GKAP1: variants seen among roughly 807,000 people sequenced by gnomAD.
GKAP1 encodes the protein G kinase-anchoring protein 1.
A neutral mutation model predicts 56.7 loss-of-function variants in GKAP1; 31 were observed. That is an observed-to-expected ratio of 0.55 (90% CI 0.41 to 0.74). The LOEUF is 0.74. GKAP1 is among the 30% of genes least tolerant of loss of function. GKAP1 has a pLI of 0.00. For synonymous variants in GKAP1, 151 were observed against 138.6 expected (o/e 1.09, Z -0.63); for missense variants, 364 against 402.3 (o/e 0.90, Z 0.82).
chr9:83,751,257 T>TCC (rs2131238402), intron 9 of GKAP1, among the ~76,000 whole-genome samples: 1 of 152,300 alleles, frequency 6.6e-6, no homozygotes, highest in African/African-American at 2.4e-5. Context: ...TCCATCATAT[T>TCC]CCCATGCCTT....
chr9:83,804,315 G>C (rs112690650), intron 3 of GKAP1, among the ~76,000 whole-genome samples: 1 of 124,348 alleles, frequency 8.0e-6, no homozygotes. Context: ...TCAGCACCCC[G>C]CCCGGCCAGC....
rs924162706 is a variant in GKAP1 at position 83,792,786 on chromosome 9, C to T, written c.361-4108G>A. ...CTGGGCCTATAAGACAGGCTCCAGG[C>T]AATAAAATGCAAATAAAAGCATACT... On this transcript the variant is annotated intron_variant, in intron 4 of 12. Coordinates refer to ENST00000376371, the MANE Select transcript of GKAP1 (RefSeq NM_025211.4). Among the ~76,000 whole-genome samples the T allele has an allele frequency of 4.0e-5, 6 of 151,856 alleles. No individual in the cohort carries two copies. In the East Asian group the frequency reaches 9.6e-4, roughly 24 times the overall value.
At chr9:83,757,937 G>C (rs985226793) in intron 8 of GKAP1, among the ~76,000 whole-genome samples, 1 of 152,128 alleles carries the variant, frequency 6.6e-6, no homozygotes, top group African/African-American at 2.4e-5. Context: ...TTGGTATGGA[G>C]AGGAAGATGA....
intron 12 of GKAP1, among the ~76,000 whole-genome samples, chr9:83,740,571 T>C (rs1943190366): frequency 1.3e-5 from 2 of 152,206 alleles, no homozygotes; most frequent in Non-Finnish European, 2.9e-5. Context: ...TTTATAAAAC[T>C]ATGGCAATGG....
At chr9:83,758,083 G>A (rs925053372) in intron 8 of GKAP1, among the ~76,000 whole-genome samples, 5 of 152,176 alleles carry the variant, frequency 3.3e-5, no homozygotes, top group Non-Finnish European at 7.3e-5. Context: ...GACCTACCTA[G>A]CGTTGGTGCA....
chr9:83,744,360 AC>A (rs1943256178), intron 10 of GKAP1, among the ~76,000 whole-genome samples: 1 of 152,130 alleles, frequency 6.6e-6, no homozygotes, highest in African/African-American at 2.4e-5. Context: ...ACCCACATGT[AC>A]TCCTTGAATA....
chr9:83,800,974 T>G (rs1326359600), intron 3 of GKAP1, among the ~76,000 whole-genome samples: 1 of 152,240 alleles, frequency 6.6e-6, no homozygotes, highest in African/African-American at 2.4e-5. Context: ...TAATTTGTCT[T>G]AAGTTTTTAA....
intron 8 of GKAP1, among the ~76,000 whole-genome samples, chr9:83,768,458 AT>A (rs1943700814): frequency 6.6e-6 from 1 of 152,080 alleles, no homozygotes; most frequent in Non-Finnish European, 1.5e-5. Context: ...TAAAGTTTTC[AT>A]TTGTGCTGAA....
At chr9:83,808,155 G>C (rs557232387) in intron 2 of GKAP1, among the ~76,000 whole-genome samples, 2 of 152,308 alleles carry the variant, frequency 1.3e-5, no homozygotes, top group South Asian at 4.1e-4. Context: ...AACCGTGACA[G>C]ATTTTTGGCT....
chr9:83,805,686 T>C (rs748533152), intron 3 of GKAP1, among the ~76,000 whole-genome samples: 6 of 152,194 alleles, frequency 3.9e-5, no homozygotes, highest in Non-Finnish European at 8.8e-5. Flanking sequence ...TATATATGTG[T>C]ACAGAAAACA....
chr9:83,779,588 T>C (rs1455115265), intron 7 of GKAP1, among the ~76,000 whole-genome samples: 2 of 116,630 alleles, frequency 1.7e-5, no homozygotes, highest in African/African-American at 3.1e-5. Context: ...TATATACACG[T>C]ATATGTGTAT....
intron 9 of GKAP1, among the ~76,000 whole-genome samples, chr9:83,752,464 A>T (rs1236412053): frequency 6.6e-6 from 1 of 152,152 alleles, no homozygotes; most frequent in African/African-American, 2.4e-5. Flanking sequence ...TGAATACGCC[A>T]CACATAAAGA....
chr9:83,771,951 G>A (rs1943770010), intron 7 of GKAP1, among the ~76,000 whole-genome samples: 1 of 149,064 alleles, frequency 6.7e-6, no homozygotes, highest in African/African-American at 2.5e-5. Flanking sequence ...ATCACAAAGG[G>A]CATTCTGTCC....
chr9:83,773,157 AAAC>A (rs1484120511), intron 7 of GKAP1, among the ~76,000 whole-genome samples: 1 of 152,230 alleles, frequency 6.6e-6, no homozygotes, highest in Non-Finnish European at 1.5e-5. Context: ...CCTGGTGAAT[AAAC>A]AACATTTATA....
At chr9:83,804,297 T>TG (rs1239959605) in intron 3 of GKAP1, among the ~76,000 whole-genome samples, 128 of 117,322 alleles carry the variant, frequency 1.1e-3, no homozygotes, top group African/African-American at 3.6e-3. Flanking sequence ...GGGAGGGAGG[T>TG]GGGGGGGTCA....
intron 7 of GKAP1, among the ~76,000 whole-genome samples, chr9:83,779,516 T>C (rs1448813090): frequency 5.4e-5 from 7 of 130,764 alleles, no homozygotes; most frequent in Middle Eastern, 4.3e-3. Flanking sequence ...TATGTGTATA[T>C]ATATACACGT....
At chr9:83,789,041 TAAG>T (rs1331311115) in intron 4 of GKAP1, 1 of 158,856 alleles carries the variant, frequency 6.3e-6, no homozygotes, top group Non-Finnish European at 1.4e-5. Context: ...CTCAAAAATA[TAAG>T]AATACTAAAA....
At chr9:83,745,869 C>A (rs1285822896) in intron 10 of GKAP1, among the ~76,000 whole-genome samples, 1 of 151,886 alleles carries the variant, frequency 6.6e-6, no homozygotes, top group Non-Finnish European at 1.5e-5. Context: ...TGGCTCATTG[C>A]AACCTCTGCC....
At chr9:83,811,678 A>G (rs916850877) in intron 2 of GKAP1, among the ~76,000 whole-genome samples, 1 of 152,178 alleles carries the variant, frequency 6.6e-6, no homozygotes, top group African/African-American at 2.4e-5. Context: ...GCTAAAATGG[A>G]AAGGGGGAAA....
Sources: allele counts gnomAD v4.1 joint callset (sites outside exome capture counted in the v4.1 genomes callset), GRCh38; gene constraint gnomAD v4.1.1; transcripts MANE v1.5; gene names NCBI Gene and HGNC (gene_info 2026-07-23, HGNC 2026-07-21).